Variants in SPMIP2 observed in about 807,000 individuals in gnomAD.
The protein encoded by SPMIP2 is protein SPMIP2.
the SPMIP2 span, among the ~76,000 whole-genome samples, chr4:158,916,611 G>A: frequency 1.4e-5 from 2 of 144,848 alleles, no homozygotes; most frequent in Non-Finnish European, 3.0e-5. Flanking sequence ...TTTGCTTTAT[G>A]TATGTACATA....
chr4:159,023,541 A>T, the SPMIP2 span, among the ~76,000 whole-genome samples: 1 of 152,184 alleles, frequency 6.6e-6, no homozygotes, highest in Non-Finnish European at 1.5e-5. Flanking sequence ...ACAAACTCCC[A>T]TCCAAATTTG....
chr4:159,035,260 C>T, the SPMIP2 span: 1 of 594,720 alleles, frequency 1.7e-6, no homozygotes, highest in Non-Finnish European at 3.0e-6. Context: ...TAGAATGTTC[C>T]TCCTTGCAGA....
chr4:158,896,701 C>T, the SPMIP2 span, among the ~76,000 whole-genome samples: 10 of 151,874 alleles, frequency 6.6e-5, no homozygotes, highest in Non-Finnish European at 1.2e-4. Context: ...ATTATTCTTA[C>T]ATACTTTATT....
At chr4:158,954,339 T>A in the SPMIP2 span, among the ~76,000 whole-genome samples, 6 of 94,558 alleles carry the variant, frequency 6.3e-5, no homozygotes, top group African/African-American at 2.6e-4. Context: ...CTCTTGCTGG[T>A]ACCAGGTAAG....
At chr4:159,000,163 GTTAAA>G in the SPMIP2 span, among the ~76,000 whole-genome samples, 2 of 152,080 alleles carry the variant, frequency 1.3e-5, no homozygotes, top group African/African-American at 4.8e-5. Context: ...AGAATGCCCA[GTTAAA>G]TTCGGATTTC....
chr4:158,931,521 T>A, the SPMIP2 span, among the ~76,000 whole-genome samples: 1 of 151,976 alleles, frequency 6.6e-6, no homozygotes, highest in Non-Finnish European at 1.5e-5. Context: ...TCTCCCAAAG[T>A]ACTGGGATAA....
chr4:158,928,941 GCATCAGAA>G, the SPMIP2 span, among the ~76,000 whole-genome samples: 1 of 152,124 alleles, frequency 6.6e-6, no homozygotes, highest in African/African-American at 2.4e-5. Flanking sequence ...AACTCTGAAC[GCATCAGAA>G]CATCAGAAGG....
At chr4:159,036,804 A>G in the SPMIP2 span, among the ~76,000 whole-genome samples, 4 of 152,064 alleles carry the variant, frequency 2.6e-5, no homozygotes, top group Non-Finnish European at 4.4e-5. Flanking sequence ...TTACCTTCCT[A>G]TGGCCTGCTA....
At chr4:158,911,204 C>T in the SPMIP2 span, among the ~76,000 whole-genome samples, 2 of 152,020 alleles carry the variant, frequency 1.3e-5, no homozygotes, top group Non-Finnish European at 1.5e-5. Flanking sequence ...AGGCCCAGCG[C>T]GGTGGCTCAT....
chr4:159,007,781 C>G, the SPMIP2 span: 2 of 584,180 alleles, frequency 3.4e-6, no homozygotes, highest in South Asian at 1.4e-5. Context: ...TCAGCAGCAG[C>G]AACCTGGAGA....
the SPMIP2 span, among the ~76,000 whole-genome samples, chr4:158,923,557 G>A: frequency 1.4e-5 from 2 of 145,550 alleles, no homozygotes; most frequent in African/African-American, 5.1e-5. Flanking sequence ...AATTGATTTT[G>A]TATCTTGATC....
the SPMIP2 span, chr4:158,893,659 A>T: frequency 9.0e-6 from 14 of 1,555,126 alleles, no homozygotes; most frequent in Non-Finnish European, 8.8e-7. Context: ...AGTAGTAGGC[A>T]GTTTCTCCTT....
the SPMIP2 span, among the ~76,000 whole-genome samples, chr4:159,006,671 C>G: frequency 1.6e-4 from 25 of 152,056 alleles, no homozygotes; most frequent in Admixed American, 1.6e-3. Context: ...ATAGTAATCC[C>G]CAGGATGCAT....
At chr4:158,897,254 C>T in the SPMIP2 span, among the ~76,000 whole-genome samples, 15 of 152,080 alleles carry the variant, frequency 9.9e-5, no homozygotes, top group East Asian at 1.9e-4. Flanking sequence ...ATGGGCATTT[C>T]GGTTGGTTCC....
the SPMIP2 span, among the ~76,000 whole-genome samples, chr4:158,938,753 A>C: frequency 6.6e-6 from 1 of 152,248 alleles, no homozygotes; most frequent in African/African-American, 2.4e-5. Context: ...ACTGTTGCCA[A>C]GAGTTTGTCC....
the SPMIP2 span, among the ~76,000 whole-genome samples, chr4:158,999,826 T>C: frequency 6.6e-6 from 1 of 152,246 alleles, no homozygotes; most frequent in Non-Finnish European, 1.5e-5. Flanking sequence ...AATTTCTTTA[T>C]CTGAATATTC....
At chr4:158,906,419 G>A in the SPMIP2 span, 8 of 152,068 alleles carry the variant, frequency 5.3e-5, no homozygotes, top group African/African-American at 1.7e-4. Flanking sequence ...AAAATAACTT[G>A]TTACAAAATC....
At chr4:158,946,634 A>C in the SPMIP2 span, among the ~76,000 whole-genome samples, 111,457 of 152,076 alleles carry the variant, frequency 0.73, 41,106 homozygotes, top group East Asian at 0.93. Flanking sequence ...TGCACCAATT[A>C]AACCTCTTTC....
At chr4:158,897,568 T>C in the SPMIP2 span, among the ~76,000 whole-genome samples, 1 of 152,260 alleles carries the variant, frequency 6.6e-6, no homozygotes, top group South Asian at 2.1e-4. Context: ...ATTGTGGTTT[T>C]GATTTGCATT....
Sources: allele counts gnomAD v4.1 joint callset (sites outside exome capture counted in the v4.1 genomes callset), GRCh38; gene constraint gnomAD v4.1.1; transcripts MANE v1.5; gene names NCBI Gene and HGNC (gene_info 2026-07-23, HGNC 2026-07-21).